Variants in TSHZ3 observed in about 807,000 individuals in gnomAD.
TSHZ3 encodes the protein teashirt homolog 3.
Under a neutral mutation model 64.5 loss-of-function variants are expected in TSHZ3, and 10 were observed. That is an observed-to-expected ratio of 0.16 (90% CI 0.10 to 0.26). The LOEUF is 0.26. TSHZ3 is among the 10% of genes least tolerant of loss of function. The pLI is 1.00. For synonymous variants in TSHZ3, 608 were observed against 593.1 expected (o/e 1.03, Z -0.36); for missense variants, 1,242 against 1,421.7 (o/e 0.87, Z 2.03).
intron 1 of TSHZ3, among the ~76,000 whole-genome samples, chr19:31,312,359 A>G (rs1916482223): frequency 6.6e-6 from 1 of 152,200 alleles, no homozygotes; most frequent in African/African-American, 2.4e-5. Context: ...TAAGTTAATT[A>G]AAATTAAACA....
chr19:31,194,576 G>T (rs1338473889), intron 5 of TSHZ3, among the ~76,000 whole-genome samples: 1 of 152,108 alleles, frequency 6.6e-6, no homozygotes, highest in Admixed American at 6.5e-5. Flanking sequence ...CCAATCACAG[G>T]TCTAGAGAAT....
chr19:31,182,590 A>G (rs1224283226), intron 5 of TSHZ3, among the ~76,000 whole-genome samples: 2 of 152,202 alleles, frequency 1.3e-5, no homozygotes, highest in Non-Finnish European at 2.9e-5. Context: ...GCAGAGAGTC[A>G]AATAGAATCC....
At chr19:31,292,354 G>C (rs1163328395) in intron 1 of TSHZ3, among the ~76,000 whole-genome samples, 1 of 152,152 alleles carries the variant, frequency 6.6e-6, no homozygotes, top group Non-Finnish European at 1.5e-5. Flanking sequence ...AGGAACTCTT[G>C]CCTGCCTATA....
Position 31,249,966 on chromosome 19 carries a change from T to C in TSHZ3, n.64-7091A>G, listed in dbSNP as rs1975814564. Among the ~76,000 whole-genome samples the C allele has an allele frequency of 2.0e-5, 3 of 152,242 alleles. No homozygotes were observed. The South Asian group carries it at 6.2e-4, about 32-fold the overall frequency. On this transcript the variant is annotated intron_variant and non_coding_transcript_variant, in intron 1 of 6. Transcript: ENST00000651361. ...TGGGGATACAGAAATATATCCTCCC[T>C]GGAGCCTCGGTTCTCCTGGACTCAG...
chr19:31,193,343 A>C (rs1458447370), intron 5 of TSHZ3, among the ~76,000 whole-genome samples: 1 of 152,020 alleles, frequency 6.6e-6, no homozygotes, highest in Non-Finnish European at 1.5e-5. Flanking sequence ...CATCACCTCC[A>C]CACTCTTATT....
chr19:31,336,974 A>C (rs1452695607), intron 1 of TSHZ3, among the ~76,000 whole-genome samples: 11 of 149,874 alleles, frequency 7.3e-5, no homozygotes, highest in Non-Finnish European at 1.5e-4. Context: ...AAGACCAGGC[A>C]GTTTTTCTTT....
At chr19:31,328,441 GGACT>G (rs1352007104) in intron 1 of TSHZ3, among the ~76,000 whole-genome samples, 1 of 152,272 alleles carries the variant, frequency 6.6e-6, no homozygotes, top group Non-Finnish European at 1.5e-5. Flanking sequence ...AATGGCAGCA[GGACT>G]GACTTGCTTC....
intron 4 of TSHZ3, among the ~76,000 whole-genome samples, chr19:31,224,082 G>A (rs1008235777): frequency 5.9e-5 from 9 of 152,192 alleles, no homozygotes; most frequent in Admixed American, 3.3e-4. Flanking sequence ...CATGGAATCC[G>A]GTAGGAGTAC....
chr19:31,335,485 C>T (rs1270571568), intron 1 of TSHZ3, among the ~76,000 whole-genome samples: 1 of 152,198 alleles, frequency 6.6e-6, no homozygotes, highest in Non-Finnish European at 1.5e-5. Context: ...CAGCACACCC[C>T]GTTGTTGGTC....
chr19:31,166,556 T>A (rs548628376), intron 5 of TSHZ3, among the ~76,000 whole-genome samples: 1 of 152,208 alleles, frequency 6.6e-6, no homozygotes, highest in Admixed American at 6.5e-5. Context: ...ATGCCATATA[T>A]CCCTCCTCCA....
chr19:31,214,764 C>A (rs1238031936), intron 4 of TSHZ3, among the ~76,000 whole-genome samples: 1 of 151,820 alleles, frequency 6.6e-6, no homozygotes, highest in African/African-American at 2.4e-5. Flanking sequence ...AAAAATTAGC[C>A]GGGCGTGGTG....
intron 4 of TSHZ3, among the ~76,000 whole-genome samples, chr19:31,217,747 C>A (rs148555974): frequency 6.6e-6 from 1 of 152,296 alleles, no homozygotes; most frequent in East Asian, 1.9e-4. Context: ...TATCCACCTA[C>A]AAAGCAGTGT....
intron 5 of TSHZ3, among the ~76,000 whole-genome samples, chr19:31,173,839 G>A (rs1352802568): frequency 6.6e-6 from 1 of 152,184 alleles, no homozygotes; most frequent in Non-Finnish European, 1.5e-5. Flanking sequence ...GGAGGCTGAA[G>A]CGGGCAGATC....
At chr19:31,191,451 T>G (rs1029275483) in intron 5 of TSHZ3, among the ~76,000 whole-genome samples, 6 of 152,172 alleles carry the variant, frequency 3.9e-5, no homozygotes, top group Admixed American at 6.5e-5. Context: ...AAACTATCCT[T>G]GAAAAATGTG....
chr19:31,308,720 A>C (rs1203234915), intron 1 of TSHZ3: 1 of 398,602 alleles, frequency 2.5e-6, no homozygotes, highest in Non-Finnish European at 4.4e-6. Context: ...CTGGAAAGAG[A>C]GAAAAACAGG....
chr19:31,240,869 T>G (rs1975679550), intron 3 of TSHZ3, among the ~76,000 whole-genome samples: 1 of 152,174 alleles, frequency 6.6e-6, no homozygotes, highest in African/African-American at 2.4e-5. Context: ...TTCGGTTGAT[T>G]TTTTGTATAG....
chr19:31,220,399 A>G (rs779693387), intron 4 of TSHZ3, among the ~76,000 whole-genome samples: 2 of 152,086 alleles, frequency 1.3e-5, no homozygotes, highest in Admixed American at 6.5e-5. Flanking sequence ...GTGAAGGGCG[A>G]CAGGTTGTAA....
rs142243125 is a variant in TSHZ3 at position 31,330,705 on chromosome 19, T to TGG, written c.40+18473_40+18474dup. Among the ~76,000 whole-genome samples the TGG allele has an allele frequency of 5.2e-3, 479 of 92,880 alleles. 6 individuals are homozygous for TGG. The highest frequency in any genetic ancestry group is 0.013 in the East Asian group (34 of 2,542). The allele number at this position is 92,880 out of a possible 152,430, so 60.9% of individuals were successfully genotyped here. A position where few individuals can be genotyped will look rare whatever the true frequency, so the allele number is the denominator to read the frequency against. On this transcript the variant is annotated intron_variant, in intron 1 of 1. Transcript: ENST00000240587. ...AAGGAGCCAAGTGCTGTTTAATCCT[T>TGG]GGGCGGGGGGAGGAAAGTCCAGAAC...
At chr19:31,334,246 T>C (rs1917178438) in intron 1 of TSHZ3, among the ~76,000 whole-genome samples, 1 of 152,170 alleles carries the variant, frequency 6.6e-6, no homozygotes, top group Non-Finnish European at 1.5e-5. Context: ...CCTCATCTAT[T>C]ACACACCCAT....
Sources: gnomAD v4.1 joint callset for allele counts (sites outside exome capture counted in the v4.1 genomes callset) on GRCh38, gnomAD v4.1.1 for gene constraint, MANE v1.5 for transcripts, NCBI Gene and HGNC (gene_info 2026-07-23, HGNC 2026-07-21) for gene names.